Variants in HTR1F observed in about 807,000 individuals in gnomAD.
HTR1F encodes the protein 5-hydroxytryptamine (serotonin) receptor 1F, G protein-coupled.
HTR1F carries 17 observed loss-of-function variants against 24.0 expected under a neutral mutation model. That is an observed-to-expected ratio of 0.71 (90% CI 0.48 to 1.06). The LOEUF is 1.06. Ranked by LOEUF, HTR1F falls within the 50% of genes least tolerant of loss-of-function variation. The probability of loss-of-function intolerance (pLI) is 0.00; values close to 1 mark genes in which losing one functional copy is unlikely to be tolerated. For missense variants in HTR1F, 391 were observed against 427.8 expected, an observed-to-expected ratio of 0.91 and a Z score of 0.76; for synonymous variants, 186 against 156.8, an observed-to-expected ratio of 1.19 and a Z score of -1.39.
intron 2 of HTR1F, among the ~76,000 whole-genome samples, chr3:87,870,893 T>A (rs1705539399): frequency 6.6e-6 from 1 of 151,464 alleles, no homozygotes. Context: ...GTACCCAGAA[T>A]AATTAGCTGG....
intron 2 of HTR1F, among the ~76,000 whole-genome samples, chr3:87,984,052 C>T (rs9837974): frequency 0.027 from 4,127 of 152,286 alleles, 82 homozygotes; most frequent in Middle Eastern, 0.044. Flanking sequence ...TTGTCTTCCT[C>T]AGTTAATTTT....
At chr3:87,886,275 T>G (rs11922015) in intron 2 of HTR1F, among the ~76,000 whole-genome samples, 4,170 of 152,244 alleles carry the variant, frequency 0.027, 70 homozygotes, top group Middle Eastern at 0.048. Context: ...AAAAGGCCTT[T>G]GACAAAATTC....
chr3:87,877,971 ATTAT>A (rs1160873232), intron 2 of HTR1F, among the ~76,000 whole-genome samples: 1 of 152,134 alleles, frequency 6.6e-6, no homozygotes, highest in Non-Finnish European at 1.5e-5. Context: ...TTAATATCTT[ATTAT>A]TTAAGTTCTT....
chr3:87,855,514 A>G (rs1221305925), intron 2 of HTR1F, among the ~76,000 whole-genome samples: 1 of 152,076 alleles, frequency 6.6e-6, no homozygotes, highest in Non-Finnish European at 1.5e-5. Flanking sequence ...AGACTCAGCA[A>G]AGAGAATGAA....
chr3:87,925,329 G>A lies in HTR1F; in HGVS notation c.-42-65379G>A, dbSNP rs557027696. 9.7e-4 allele frequency among the ~76,000 whole-genome samples: 148 copies of A among 152,216 alleles called. 1 individual carries two copies. The highest frequency in any genetic ancestry group is 5.1e-4 in the Non-Finnish European group (35 of 67,986). On this transcript the variant is annotated intron_variant, in intron 2 of 2. Transcript: ENST00000319595. ...CTTATCTGGTTGTGGAGGCTGTTGT[G>A]GGTGCTGGGTGGTCAGTTCTTGGGT...
chr3:87,925,148 T>C (rs1704094649), intron 2 of HTR1F, among the ~76,000 whole-genome samples: 1 of 151,968 alleles, frequency 6.6e-6, no homozygotes, highest in African/African-American at 2.4e-5. Flanking sequence ...TTGTGGGTGT[T>C]TGTTGAGGCA....
intron 1 of HTR1F, among the ~76,000 whole-genome samples, chr3:87,805,998 T>C (rs181824032): frequency 2.6e-5 from 4 of 152,196 alleles, no homozygotes; most frequent in Middle Eastern, 6.8e-3. Context: ...CAAATATGAG[T>C]AAGAACATGT....
intron 1 of HTR1F, among the ~76,000 whole-genome samples, chr3:87,814,865 T>C (rs1028863246): frequency 1.3e-5 from 2 of 152,156 alleles, no homozygotes; most frequent in African/African-American, 4.8e-5. Context: ...TATACCTACA[T>C]AGCTACTTGA....
At chr3:87,936,864 C>G (rs1704432289) in intron 2 of HTR1F, among the ~76,000 whole-genome samples, 2 of 151,730 alleles carry the variant, frequency 1.3e-5, no homozygotes, top group African/African-American at 4.9e-5. Flanking sequence ...TGCACACAAA[C>G]TAGAAAATCT....
At chr3:87,891,152 T>G (rs557246289) in intron 2 of HTR1F, among the ~76,000 whole-genome samples, 14 of 152,296 alleles carry the variant, frequency 9.2e-5, no homozygotes, top group African/African-American at 3.4e-4. Flanking sequence ...ACTTATTTCT[T>G]AATGTCCAAG....
intron 1 of HTR1F, among the ~76,000 whole-genome samples, chr3:87,815,722 C>T (rs897749259): frequency 6.6e-6 from 1 of 152,074 alleles, no homozygotes; most frequent in African/African-American, 2.4e-5. Flanking sequence ...TCCTGCCTTA[C>T]TTTACACTGA....
intron 2 of HTR1F, among the ~76,000 whole-genome samples, chr3:87,914,709 A>C (rs1230973896): frequency 1.3e-5 from 2 of 151,956 alleles, no homozygotes; most frequent in Non-Finnish European, 1.5e-5. Flanking sequence ...GTAGAGTCTA[A>C]GTTTAAACAT....
intron 2 of HTR1F, among the ~76,000 whole-genome samples, chr3:87,916,525 G>A (rs1236028943): frequency 6.6e-6 from 1 of 152,010 alleles, no homozygotes; most frequent in Non-Finnish European, 1.5e-5. Flanking sequence ...TTAAAGTAAA[G>A]GGGTGGAAAA....
chr3:87,911,221 A>G (rs1265839104), intron 2 of HTR1F, among the ~76,000 whole-genome samples: 1 of 152,116 alleles, frequency 6.6e-6, no homozygotes, highest in Admixed American at 6.6e-5. Flanking sequence ...TCGACTAGCT[A>G]GACTAATAAA....
intron 2 of HTR1F, among the ~76,000 whole-genome samples, chr3:87,904,047 A>G (rs964261592): frequency 6.6e-6 from 1 of 152,200 alleles, no homozygotes; most frequent in Admixed American, 6.6e-5. Flanking sequence ...CCAGTTAAAC[A>G]CAAAATGAAG....
intron 2 of HTR1F, among the ~76,000 whole-genome samples, chr3:87,923,978 G>C (rs1409388928): frequency 6.6e-6 from 1 of 152,098 alleles, no homozygotes; most frequent in African/African-American, 2.4e-5. Flanking sequence ...TCCTTGTCTA[G>C]TTTTGGTATC....
intron 2 of HTR1F, among the ~76,000 whole-genome samples, chr3:87,898,956 AG>A (rs1706261579): frequency 7.9e-5 from 12 of 152,134 alleles, no homozygotes; most frequent in African/African-American, 2.4e-5. Flanking sequence ...TCTCTTTACA[AG>A]GAATCTATTT....
intron 2 of HTR1F, among the ~76,000 whole-genome samples, chr3:87,943,852 A>G (rs886452191): frequency 6.0e-5 from 9 of 151,122 alleles, no homozygotes; most frequent in African/African-American, 1.7e-4. Flanking sequence ...TTTCTTTCTT[A>G]GCCTGTGAGG....
chr3:87,933,414 G>A (rs891999750), intron 2 of HTR1F, among the ~76,000 whole-genome samples: 19 of 152,128 alleles, frequency 1.2e-4, no homozygotes, highest in Middle Eastern at 3.2e-3. Context: ...AAGTCAAATC[G>A]TCCCTCTTTG....
Sources: gnomAD v4.1 joint callset for allele counts (sites outside exome capture counted in the v4.1 genomes callset) on GRCh38, gnomAD v4.1.1 for gene constraint, MANE v1.5 for transcripts, NCBI Gene and HGNC (gene_info 2026-07-23, HGNC 2026-07-21) for gene names.